Variants in PRKCE observed in about 807,000 individuals in gnomAD.
PRKCE encodes protein kinase C epsilon, also known as protein kinase C epsilon type.
PRKCE carries 16 observed loss-of-function variants against 85.4 expected under a neutral mutation model. That is an observed-to-expected ratio of 0.19 (90% CI 0.13 to 0.28). The LOEUF is 0.28. Ranked by LOEUF, PRKCE falls within the 10% of genes least tolerant of loss-of-function variation. PRKCE has a pLI of 1.00. For missense variants in PRKCE, 573 were observed against 975.2 expected (o/e 0.59, Z 5.49); for synonymous variants, 388 against 371.5 (o/e 1.04, Z -0.51).
intron 2 of PRKCE, among the ~76,000 whole-genome samples, chr2:45,956,163 A>C (rs1700960979): frequency 6.6e-6 from 1 of 152,172 alleles, no homozygotes; most frequent in African/African-American, 2.4e-5. Context: ...TTTTTGTTGC[A>C]GAATAGAACT....
chr2:45,931,497 C>T (rs1281695473), intron 2 of PRKCE, among the ~76,000 whole-genome samples: 3 of 152,216 alleles, frequency 2.0e-5, no homozygotes, highest in Admixed American at 1.3e-4. Context: ...CCCTAAACAA[C>T]CTCCTGATGG....
rs1308785239 is a variant in PRKCE, at chr2:46,145,306, G to T, written c.1731+75G>T. On this transcript the variant is annotated intron_variant, in intron 12 of 14. Transcript: ENST00000306156. The surrounding 1 kb of genome is among the most constrained non-coding windows in gnomAD (Gnocchi z 4.6). ...CAGGGGTCCAAACCCATGCACTGGGGTCATCTAGTGGTGCTGGGGGAAGGC... is the reference window on the plus strand; with the variant it reads ...CAGGGGTCCAAACCCATGCACTGGGTTCATCTAGTGGTGCTGGGGGAAGGC... 3.9e-6 allele frequency: 6 copies of T among 1,549,212 alleles called. No homozygotes were observed. Among genetic ancestry groups the T allele is most frequent in the Non-Finnish European group, 5.3e-6 (6 of 1,138,384 alleles).
rs756088228 is a variant in PRKCE, at chr2:45,737,616, G to A, written c.348+85168G>A. On this transcript the variant is annotated intron_variant, in intron 1 of 14. Transcript: ENST00000306156. Reference sequence around the variant, plus strand: ...TGTGATGTGTAGATGTTCCCCAAGCGTCTGCCCTACCTGGCCCCCTTCTCC... The same window carrying A: ...TGTGATGTGTAGATGTTCCCCAAGCATCTGCCCTACCTGGCCCCCTTCTCC... 3.6e-4 allele frequency among the ~76,000 whole-genome samples: 55 copies of A among 151,166 alleles called. 1 individual carries two copies. Among genetic ancestry groups the A allele is most frequent in the Admixed American group, 1.3e-3 (19 of 15,190 alleles).
At chr2:46,051,653 T>G (rs1401522424) in intron 10 of PRKCE, among the ~76,000 whole-genome samples, 1 of 152,228 alleles carries the variant, frequency 6.6e-6, no homozygotes, top group African/African-American at 2.4e-5. Context: ...CTTACAGGTA[T>G]TGTTTTCTCT....
chr2:45,938,046 C>T (rs900570987), intron 2 of PRKCE, among the ~76,000 whole-genome samples: 1 of 152,210 alleles, frequency 6.6e-6, no homozygotes, highest in Non-Finnish European at 1.5e-5. Context: ...AGGGTCCCGA[C>T]CCTTCCCCTT....
intron 1 of PRKCE, among the ~76,000 whole-genome samples, chr2:45,698,257 G>C (rs1678320570): frequency 6.6e-6 from 1 of 152,194 alleles, no homozygotes; most frequent in African/African-American, 2.4e-5. Context: ...ATTGGTGGTA[G>C]GTGAATTTGG....
At chr2:46,038,723 C>G (rs1485819501) in intron 10 of PRKCE, among the ~76,000 whole-genome samples, 3 of 148,072 alleles carry the variant, frequency 2.0e-5, no homozygotes. Context: ...TATTTCCTTG[C>G]GAATGACCAT....
At chr2:45,859,328 T>C (rs1242956150) in intron 2 of PRKCE, among the ~76,000 whole-genome samples, 1 of 152,192 alleles carries the variant, frequency 6.6e-6, no homozygotes. Context: ...TTTCTCTAGA[T>C]TATTTACCCA....
Position 45,937,301 on chromosome 2 carries a change from C to T in PRKCE, c.413-39128C>T, listed in dbSNP as rs77162462. On this transcript the variant is annotated intron_variant, in intron 2 of 14. Transcript: ENST00000306156. ...CCTTGGTCTGCCACAGAGGTCACTCCCAGAATACACTTAGGACTCCCTGTG... is the reference window on the plus strand; with the variant it reads ...CCTTGGTCTGCCACAGAGGTCACTCTCAGAATACACTTAGGACTCCCTGTG... Among the ~76,000 whole-genome samples, 1,126 of 152,288 alleles carry T rather than the reference C, an allele frequency of 7.4e-3. 20 individuals are homozygous for T. Among genetic ancestry groups the T allele is most frequent in the African/African-American group, 0.026 (1,071 of 41,556 alleles).
chr2:46,180,170 C>G (rs181582815), intron 14 of PRKCE, among the ~76,000 whole-genome samples: 223 of 152,118 alleles, frequency 1.5e-3, no homozygotes, highest in African/African-American at 4.9e-3. Context: ...CTCAAGCAGC[C>G]CTGGAGGGAT....
chr2:45,757,084 C>G (rs551249742), intron 1 of PRKCE, among the ~76,000 whole-genome samples: 3 of 152,120 alleles, frequency 2.0e-5, no homozygotes, highest in African/African-American at 7.2e-5. Flanking sequence ...AACCCCATCT[C>G]TACTCCAAAT....
At chr2:46,153,506 G>A (rs112523781) in intron 13 of PRKCE, among the ~76,000 whole-genome samples, 10,019 of 152,244 alleles carry the variant, frequency 0.066, 402 homozygotes, top group Non-Finnish European at 0.089. Context: ...GCTGCATGGG[G>A]TGCTCTTGAG....
chr2:45,742,513 GA>G (rs1347668872), intron 1 of PRKCE, among the ~76,000 whole-genome samples: 2 of 151,776 alleles, frequency 1.3e-5, no homozygotes, highest in Non-Finnish European at 2.9e-5. Flanking sequence ...ACAGGTATAT[GA>G]AAGGGTGTTC....
At chr2:46,057,520 C>T (rs529423153) in intron 10 of PRKCE, among the ~76,000 whole-genome samples, 109 of 151,968 alleles carry the variant, frequency 7.2e-4, no homozygotes, top group African/African-American at 2.2e-3. Flanking sequence ...CTGCAACCTC[C>T]ACCTCCCAGG....
chr2:46,047,386 A>C (rs931471914), intron 10 of PRKCE, among the ~76,000 whole-genome samples: 2 of 152,232 alleles, frequency 1.3e-5, no homozygotes, highest in African/African-American at 4.8e-5. Flanking sequence ...TTTATACAGC[A>C]ATGAAGACAG....
chr2:45,912,125 A>T (rs1425939074), intron 2 of PRKCE, among the ~76,000 whole-genome samples: 1 of 151,990 alleles, frequency 6.6e-6, no homozygotes, highest in Admixed American at 6.6e-5. Flanking sequence ...CCTCTCATAG[A>T]ACTGGGGAGA....
rs561516063 is a variant in PRKCE, at chr2:46,035,257, A to G, written c.1437+24740A>G. On this transcript the variant is annotated intron_variant, in intron 10 of 14. Coordinates refer to ENST00000306156, the MANE Select transcript of PRKCE (RefSeq NM_005400.3). ...AGGATTTCTTTGATACCTCTAGAGA[A>G]ACATCAGAATTTTTGAAGCTGGCCT... Among the ~76,000 whole-genome samples the G allele has an allele frequency of 3.9e-5, 6 of 152,342 alleles. No individual in the cohort carries two copies. The South Asian group carries it at 1.2e-3, about 32-fold the overall frequency.
intron 11 of PRKCE, among the ~76,000 whole-genome samples, chr2:46,096,402 C>T (rs1372841415): frequency 1.3e-5 from 2 of 152,172 alleles, no homozygotes; most frequent in African/African-American, 2.4e-5. Context: ...CCCCCAACCC[C>T]CAGATTCTTA....
chr2:45,849,628 G>A (rs1056304638), intron 2 of PRKCE, among the ~76,000 whole-genome samples: 13 of 152,100 alleles, frequency 8.5e-5, no homozygotes, highest in African/African-American at 2.2e-4. Flanking sequence ...TGTGCCTTAC[G>A]CAATAAGATC....
Sources: allele counts gnomAD v4.1 joint callset (sites outside exome capture counted in the v4.1 genomes callset), GRCh38; gene constraint gnomAD v4.1.1; non-coding constraint Gnocchi (gnomAD v3.1); transcripts MANE v1.5; gene names NCBI Gene and HGNC (gene_info 2026-07-23, HGNC 2026-07-21).